ASCC3: variants seen among roughly 807,000 people sequenced by gnomAD.
ASCC3 encodes the protein activating signal cointegrator 1 complex subunit 3.
Under a neutral mutation model 256.3 loss-of-function variants are expected in ASCC3, and 158 were observed. That is an observed-to-expected ratio of 0.62 (90% CI 0.54 to 0.70). The LOEUF (loss-of-function observed/expected upper bound fraction) is 0.70. Ranked by LOEUF, ASCC3 falls within the 30% of genes least tolerant of loss-of-function variation. The pLI is 0.00. For synonymous variants in ASCC3, 948 were observed against 883.4 expected (o/e 1.07, Z -1.30); for missense variants, 2,259 against 2,626.0 (o/e 0.86, Z 3.05).
chr6:100,695,856 T>C (rs1394558620), intron 13 of ASCC3, among the ~76,000 whole-genome samples: 2 of 152,164 alleles, frequency 1.3e-5, no homozygotes, highest in East Asian at 1.9e-4. Flanking sequence ...GCCATGTAGA[T>C]AGACCAGTGG....
In ASCC3 at chr6:100,651,647, C is replaced by T; in HGVS notation, c.2989-1G>A. On this transcript the variant is annotated splice_acceptor_variant, in intron 18 of 41. Coordinates refer to ENST00000369162, the MANE Select transcript of ASCC3 (RefSeq NM_006828.4). LOFTEE classifies it high-confidence loss of function. ...GAGCATCAAAGAGTTCATTAAAGGT[C>T]TACCAAAGTAAGTGTTATATTTGAT... 6.5e-7 allele frequency: 1 copy of T among 1,530,046 alleles called. No homozygotes were observed. The allele number at this position is 1,530,046 out of a possible 1,614,324, so 94.8% of individuals were successfully genotyped here.
chr6:100,851,085 C>A (rs1044576227), intron 3 of ASCC3, among the ~76,000 whole-genome samples: 5 of 151,950 alleles, frequency 3.3e-5, no homozygotes, highest in African/African-American at 1.2e-4. Flanking sequence ...TTTGTCCTAA[C>A]AAAAGTATCT....
chr6:100,656,975 A>C (rs986054608), intron 16 of ASCC3, among the ~76,000 whole-genome samples: 1 of 151,224 alleles, frequency 6.6e-6, no homozygotes, highest in Non-Finnish European at 1.5e-5. Context: ...TTTAGTCCTA[A>C]TATTAAAGAA....
intron 4 of ASCC3, 82 bp downstream of exon 4, chr6:100,848,066 T>A: frequency 7.4e-7 from 1 of 1,358,388 alleles, no homozygotes; most frequent in Admixed American, 2.5e-5. Flanking sequence ...GAACTTTCTT[T>A]GCTAACCACC....
Position 100,577,742 on chromosome 6 carries a change from CCACA to C in ASCC3, c.5550+11888_5550+11891del, listed in dbSNP as rs139409330. Among the ~76,000 whole-genome samples, 258 of 149,550 alleles carry C rather than the reference CCACA, an allele frequency of 1.7e-3. 3 individuals are homozygous for C. Among genetic ancestry groups the C allele is most frequent in the African/African-American group, 4.3e-3 (175 of 41,068 alleles). On this transcript the variant is annotated intron_variant, in intron 36 of 41. Coordinates refer to ENST00000369162, the MANE Select transcript of ASCC3 (RefSeq NM_006828.4). ...TGTGAACACACACACACCCACCCAC[CCACA>C]CACACACACACACTCTCTCACACAT...
intron 14 of ASCC3, among the ~76,000 whole-genome samples, chr6:100,666,995 T>A (rs1776509837): frequency 1.3e-5 from 2 of 152,204 alleles, no homozygotes; most frequent in African/African-American, 4.8e-5. Flanking sequence ...GAAGACAGAC[T>A]CATATACAAG....
chr6:100,566,056 C>T (rs540910495), intron 36 of ASCC3, among the ~76,000 whole-genome samples: 1 of 152,108 alleles, frequency 6.6e-6, no homozygotes, highest in Admixed American at 6.5e-5. Flanking sequence ...AGTAAAGCAG[C>T]TCTGAATGCA....
At chr6:100,599,627 T>C (rs1310169410) in intron 34 of ASCC3, among the ~76,000 whole-genome samples, 14 of 151,388 alleles carry the variant, frequency 9.2e-5, no homozygotes, top group African/African-American at 3.4e-4. Context: ...TGCTTTGTAC[T>C]ATTTTTTTTT....
At chr6:100,631,846 T>C (rs1388934686) in intron 25 of ASCC3, among the ~76,000 whole-genome samples, 1 of 151,978 alleles carries the variant, frequency 6.6e-6, no homozygotes, top group Non-Finnish European at 1.5e-5. Context: ...TATATTAACA[T>C]GTCTCTATAG....
In ASCC3 at chr6:100,627,990, A is replaced by C; in HGVS notation, c.4376-3T>G. The C allele has an allele frequency of 6.2e-7, 1 of 1,613,132 alleles. No homozygotes were observed. Among genetic ancestry groups the C allele is most frequent in the Non-Finnish European group, 8.5e-7 (1 of 1,179,568 alleles). On this transcript the variant is annotated splice_region_variant and splice_polypyrimidine_tract_variant and intron_variant, in intron 27 of 41. Coordinates refer to ENST00000369162, the MANE Select transcript of ASCC3 (RefSeq NM_006828.4). The stretch of plus-strand genomic sequence containing the variant: ...TAGAACAGGGCCTCTTTCCTCCCCT[A>C]GAAAATAGGGAAAAATCAATGTTAA...
At chr6:100,584,415 C>T (rs1048288902) in intron 36 of ASCC3, among the ~76,000 whole-genome samples, 2 of 151,726 alleles carry the variant, frequency 1.3e-5, no homozygotes, top group African/African-American at 2.4e-5. Flanking sequence ...GCAACCTCTC[C>T]CTTTTTTTGT....
rs1167372441 is a variant in ASCC3 at position 100,864,105 on chromosome 6, T to G, written c.200A>C (p.Asn67Thr). The G allele has an allele frequency of 3.1e-6, 5 of 1,598,800 alleles. No homozygotes were observed. Among genetic ancestry groups the G allele is most frequent in the Admixed American group, 3.3e-5 (2 of 59,856 alleles). The change falls in exon 3 of 42, where the codon AAT becomes ACT. Residue 67 changes from asparagine (N) to threonine (T), a missense_variant. This residue lies in a region of ASCC3 where 420 missense variants were observed against 419.3 expected (regional missense o/e 1.00). Coordinates refer to ENST00000369162, the MANE Select transcript of ASCC3 (RefSeq NM_006828.4). ...ATGTAATATATCTTTTAAGTCTTCATTTATACTTTGCATTTTACTCTTCTC... is the reference window on the plus strand; with the variant it reads ...ATGTAATATATCTTTTAAGTCTTCAGTTATACTTTGCATTTTACTCTTCTC... ...KLEKSKMQSI[N>T]EDLKDILHAA...
intron 3 of ASCC3, among the ~76,000 whole-genome samples, chr6:100,853,462 C>T (rs984813795): frequency 7.0e-6 from 1 of 143,742 alleles, no homozygotes; most frequent in Non-Finnish European, 1.5e-5. Context: ...TGCTCTGTCA[C>T]CCAGGTTGGA....
At chr6:100,744,364 A>T (rs1780571528) in intron 10 of ASCC3, among the ~76,000 whole-genome samples, 1 of 152,214 alleles carries the variant, frequency 6.6e-6, no homozygotes, top group Non-Finnish European at 1.5e-5. Context: ...AGCAAAGTAC[A>T]ATCAACATAG....
intron 36 of ASCC3, among the ~76,000 whole-genome samples, chr6:100,572,335 G>A (rs1437053529): frequency 6.6e-6 from 1 of 152,152 alleles, no homozygotes; most frequent in East Asian, 1.9e-4. Flanking sequence ...ACCAAACACT[G>A]AATCTGCTGA....
chr6:100,570,102 A>G (rs1302602038), intron 36 of ASCC3, among the ~76,000 whole-genome samples: 1 of 152,036 alleles, frequency 6.6e-6, no homozygotes, highest in Non-Finnish European at 1.5e-5. Flanking sequence ...TGGTGTAGAG[A>G]AATGTTACTG....
chr6:100,579,186 GT>G (rs34493851), intron 36 of ASCC3, among the ~76,000 whole-genome samples: 5,110 of 132,232 alleles, frequency 0.039, 252 homozygotes, highest in African/African-American at 0.13. Context: ...GGGGTTGTTT[GT>G]TTTTTTTTTT....
At chr6:100,639,813 T>C (rs1775025367) in intron 24 of ASCC3, among the ~76,000 whole-genome samples, 1 of 152,168 alleles carries the variant, frequency 6.6e-6, no homozygotes, top group African/African-American at 2.4e-5. Flanking sequence ...TCTTAAATTT[T>C]CTGAAGCACT....
chr6:100,735,506 T>C (rs980124836), intron 10 of ASCC3, among the ~76,000 whole-genome samples: 1 of 152,124 alleles, frequency 6.6e-6, no homozygotes, highest in Non-Finnish European at 1.5e-5. Context: ...AAGAGTCCAT[T>C]CAGTAAAATT....
Sources: gnomAD v4.1 joint callset for allele counts (sites outside exome capture counted in the v4.1 genomes callset) on GRCh38, gnomAD v4.1.1 for gene constraint, gnomAD v4.1.1 regional missense constraint, MANE v1.5 for transcripts, NCBI Gene and HGNC (gene_info 2026-07-23, HGNC 2026-07-21) for gene names.